Variants in APBA1 observed in about 807,000 individuals in gnomAD.
APBA1 encodes amyloid beta precursor protein binding family A member 1, also known as amyloid-beta A4 precursor protein-binding family A member 1.
In APBA1, 55 loss-of-function variants were observed where a neutral mutation model predicts 86.6. The observed-to-expected ratio is 0.64, with a 90% CI of 0.51 to 0.80. The LOEUF is 0.80. Ranked by LOEUF, APBA1 falls within the 30% of genes least tolerant of loss-of-function variation. The pLI is 0.00. For missense variants in APBA1, 1,090 were observed against 1,183.0 expected, an observed-to-expected ratio of 0.92 and a Z score of 1.15; for synonymous variants, 511 against 493.9, an observed-to-expected ratio of 1.03 and a Z score of -0.46.
At chr9:69,593,842 GATTTGTT>G (rs1822178502) in intron 1 of APBA1, among the ~76,000 whole-genome samples, 1 of 152,166 alleles carries the variant, frequency 6.6e-6, no homozygotes, top group Non-Finnish European at 1.5e-5. Context: ...ATCCCTGAAA[GATTTGTT>G]ATTTGTGAAA....
chr9:69,500,680 C>T (rs1419868709), intron 2 of APBA1, among the ~76,000 whole-genome samples: 1 of 151,792 alleles, frequency 6.6e-6, no homozygotes, highest in Non-Finnish European at 1.5e-5. Context: ...ACAGCTTAAG[C>T]TAGCACTTAC....
At chr9:69,594,458 T>C (rs1194343756) in intron 1 of APBA1, among the ~76,000 whole-genome samples, 1 of 152,048 alleles carries the variant, frequency 6.6e-6, no homozygotes. Flanking sequence ...CAGGTTACTA[T>C]TTCCCATGAA....
At chr9:69,466,280 C>G (rs1044361541) in intron 5 of APBA1, among the ~76,000 whole-genome samples, 1 of 152,168 alleles carries the variant, frequency 6.6e-6, no homozygotes, top group African/African-American at 2.4e-5. Flanking sequence ...TGCAGGATAA[C>G]TGGACAGCTG....
intron 1 of APBA1, among the ~76,000 whole-genome samples, chr9:69,592,870 A>C (rs566746045): frequency 2.6e-5 from 4 of 152,360 alleles, no homozygotes; most frequent in African/African-American, 9.6e-5. Flanking sequence ...ATTAGGAATA[A>C]AATTGTCCTG....
intron 1 of APBA1, among the ~76,000 whole-genome samples, chr9:69,626,734 C>A (rs945001050): frequency 1.3e-5 from 2 of 152,060 alleles, no homozygotes; most frequent in African/African-American, 4.8e-5. Flanking sequence ...AGCTTTCAAA[C>A]CCTAAGAAAA....
intron 1 of APBA1, among the ~76,000 whole-genome samples, chr9:69,665,299 C>A: frequency 6.6e-6 from 1 of 152,118 alleles, no homozygotes; most frequent in Admixed American, 6.5e-5. Context: ...CTTCCCTCTC[C>A]TGTGTCATTT....
intron 2 of APBA1, among the ~76,000 whole-genome samples, chr9:69,487,877 C>G (rs1349997210): frequency 6.6e-6 from 1 of 152,150 alleles, no homozygotes; most frequent in Non-Finnish European, 1.5e-5. Flanking sequence ...ATCTACTTAT[C>G]TGGTCCACAT....
chr9:69,450,056 G>GTTTTTTTTTTTTTT (rs58417611), intron 9 of APBA1, among the ~76,000 whole-genome samples: 1 of 94,162 alleles, frequency 1.1e-5, no homozygotes, highest in African/African-American at 4.4e-5. Context: ...AGGACCACCA[G>GTTTTTTTTTTTTTT]TTTTTTTTTT....
chr9:69,506,377 C>A (rs1191478584), intron 2 of APBA1, among the ~76,000 whole-genome samples: 1 of 132,846 alleles, frequency 7.5e-6, no homozygotes, highest in African/African-American at 2.9e-5. Flanking sequence ...AAAAACCGCG[C>A]ACCACGAGAT....
chr9:69,433,548 C>A (rs540263083), intron 11 of APBA1, among the ~76,000 whole-genome samples: 3 of 152,318 alleles, frequency 2.0e-5, no homozygotes, highest in East Asian at 3.9e-4. Flanking sequence ...CACATGTTAA[C>A]AACTCCTTGT....
intron 1 of APBA1, among the ~76,000 whole-genome samples, chr9:69,570,824 C>G (rs191544771): frequency 6.6e-6 from 1 of 152,158 alleles, no homozygotes; most frequent in Admixed American, 6.5e-5. Context: ...TTCATCCCCA[C>G]GGCGATTGAT....
In APBA1 at chr9:69,488,924, G is replaced by A. The variant is rs1001183329; in HGVS notation, c.1201-12781C>T. ...AATACCTAGGAATCCAACTTACAAG[G>A]GATGTGAAAGACCTCTTCAAGGAGA... On this transcript the variant is annotated intron_variant, in intron 2 of 12. Transcript: ENST00000265381. Among the ~76,000 whole-genome samples the A allele has an allele frequency of 2.7e-5, 4 of 149,856 alleles. No individual in the cohort carries two copies. The Admixed American group carries it at 2.7e-4, about 10-fold the overall frequency.
At chr9:69,636,979 G>C (rs1005727534) in intron 1 of APBA1, among the ~76,000 whole-genome samples, 2 of 148,124 alleles carry the variant, frequency 1.4e-5, no homozygotes, top group African/African-American at 4.9e-5. Context: ...AAGAAAGAAA[G>C]AAAGAAAAAT....
chr9:69,490,019 T>C (rs1337374651), intron 2 of APBA1, among the ~76,000 whole-genome samples: 1 of 152,098 alleles, frequency 6.6e-6, no homozygotes, highest in Non-Finnish European at 1.5e-5. Context: ...TAAAGACACA[T>C]GCACACGTAT....
chr9:69,613,788 T>C (rs1020576200), intron 1 of APBA1, among the ~76,000 whole-genome samples: 5 of 152,182 alleles, frequency 3.3e-5, no homozygotes, highest in African/African-American at 1.2e-4. Flanking sequence ...GCTCAAGATA[T>C]AGTTTTCTTG....
chr9:69,518,585 C>G (rs1836204327), intron 1 of APBA1, among the ~76,000 whole-genome samples: 2 of 152,074 alleles, frequency 1.3e-5, no homozygotes, highest in Admixed American at 1.3e-4. Context: ...GAAATAGACA[C>G]AAAGAATGTA....
intron 2 of APBA1, among the ~76,000 whole-genome samples, chr9:69,486,105 C>A (rs1374758792): frequency 6.6e-6 from 1 of 152,020 alleles, no homozygotes; most frequent in Non-Finnish European, 1.5e-5. Flanking sequence ...GTGCACACCA[C>A]CACACCCAGC....
At chr9:69,617,447 T>C (rs1437045687) in intron 1 of APBA1, among the ~76,000 whole-genome samples, 3 of 152,116 alleles carry the variant, frequency 2.0e-5, no homozygotes, top group Non-Finnish European at 4.4e-5. Flanking sequence ...TAATCAATAA[T>C]GGCAAATCTA....
At chr9:69,541,582 G>A (rs183328945) in intron 1 of APBA1, among the ~76,000 whole-genome samples, 40 of 146,332 alleles carry the variant, frequency 2.7e-4, no homozygotes, top group Admixed American at 7.0e-4. Flanking sequence ...CTGTGGAGTT[G>A]TAGGTCAGTA....
Sources: allele counts gnomAD v4.1 joint callset (sites outside exome capture counted in the v4.1 genomes callset), GRCh38; gene constraint gnomAD v4.1.1; transcripts MANE v1.5; gene names NCBI Gene and HGNC (gene_info 2026-07-23, HGNC 2026-07-21).